Variants in EPHA6 observed in about 807,000 individuals in gnomAD.
EPHA6 encodes ephrin type-A receptor 6.
A neutral mutation model predicts 112.0 loss-of-function variants in EPHA6; 50 were observed. That is an observed-to-expected ratio of 0.45 (90% CI 0.36 to 0.56). EPHA6 has a LOEUF of 0.56. EPHA6 is among the 20% of genes least tolerant of loss of function. EPHA6 has a pLI of 0.00. For synonymous variants in EPHA6, 529 were observed against 490.7 expected (o/e 1.08, Z -1.03); for missense variants, 1,280 against 1,417.4 (o/e 0.90, Z 1.56).
At chr3:97,448,236 T>C (rs926517644) in intron 6 of EPHA6, among the ~76,000 whole-genome samples, 6 of 152,170 alleles carry the variant, frequency 3.9e-5, no homozygotes, top group Admixed American at 3.9e-4. Flanking sequence ...GTGCCCATTT[T>C]GCTCAAGATG....
chr3:97,653,277 T>A (rs1329803665), intron 14 of EPHA6, among the ~76,000 whole-genome samples: 6 of 151,924 alleles, frequency 3.9e-5, no homozygotes, highest in African/African-American at 1.2e-4. Flanking sequence ...AAGGAATTAA[T>A]ATGCAAAATA....
chr3:97,688,984 G>A (rs562015051), intron 14 of EPHA6, among the ~76,000 whole-genome samples: 49 of 152,136 alleles, frequency 3.2e-4, no homozygotes, highest in African/African-American at 1.2e-3. Flanking sequence ...TCATTAAAAT[G>A]CTCAATATAG....
intron 11 of EPHA6, among the ~76,000 whole-genome samples, chr3:97,569,310 TAA>T (rs2093306642): frequency 6.6e-6 from 1 of 152,094 alleles, no homozygotes; most frequent in Admixed American, 6.5e-5. Flanking sequence ...TAATGAATAA[TAA>T]AAAGATAAAG....
chr3:97,648,557 T>C, intron 14 of EPHA6: 1 of 1,228,710 alleles, frequency 8.1e-7, no homozygotes. Flanking sequence ...ACTTTAAGAA[T>C]AAATATTTTA....
rs532375932 is a variant in EPHA6 at position 96,834,926 on chromosome 3, T to C, written c.385+19918T>C. ...CAGGTGTCCGGCCATACAACAATTA[T>C]AATAATAATGGTGTAATACCCAACC... On this transcript the variant is annotated intron_variant, in intron 1 of 17. Transcript: ENST00000389672. Among the ~76,000 whole-genome samples, 13 of 152,152 alleles carry C rather than the reference T, an allele frequency of 8.5e-5. No homozygotes were observed. In the South Asian group the frequency reaches 2.3e-3, roughly 27 times the overall value.
intron 3 of EPHA6, among the ~76,000 whole-genome samples, chr3:97,167,769 T>TAAAC (rs1240637778): frequency 1.3e-5 from 2 of 152,032 alleles, no homozygotes; most frequent in Non-Finnish European, 2.9e-5. Context: ...GTATTTAAAA[T>TAAAC]AAACAGTATT....
intron 16 of EPHA6, among the ~76,000 whole-genome samples, chr3:97,741,527 G>A (rs2035504859): frequency 6.6e-6 from 1 of 151,894 alleles, no homozygotes; most frequent in Non-Finnish European, 1.5e-5. Flanking sequence ...TGGTACTAGG[G>A]GCTTTTATTG....
chr3:97,158,913 C>T (rs967326973), intron 3 of EPHA6, among the ~76,000 whole-genome samples: 7 of 151,942 alleles, frequency 4.6e-5, no homozygotes, highest in African/African-American at 1.2e-4. Flanking sequence ...ATGGGGGAGG[C>T]GTGTAGCTTT....
At position 97,573,592 on chromosome 3, in the gene EPHA6, A is replaced by T. The variant is rs191904919; in HGVS notation, c.2387-19020A>T. Among the ~76,000 whole-genome samples, 946 of 151,748 alleles carry T rather than the reference A, an allele frequency of 6.2e-3. 11 individuals are homozygous for T. The highest frequency in any genetic ancestry group is 0.021 in the African/African-American group (880 of 41,472). On this transcript the variant is annotated intron_variant, in intron 11 of 17. Coordinates refer to ENST00000389672, the MANE Select transcript of EPHA6 (RefSeq NM_001080448.3). Reference sequence around the variant, plus strand: ...ATTTTTATTTATTTTTTATTTTTTTAAATTTTATTTTTTATTATACTTTAA... The same window carrying T: ...ATTTTTATTTATTTTTTATTTTTTTTAATTTTATTTTTTATTATACTTTAA...
chr3:97,019,232 G>T (rs1038554813), intron 3 of EPHA6, among the ~76,000 whole-genome samples: 1 of 152,066 alleles, frequency 6.6e-6, no homozygotes, highest in African/African-American at 2.4e-5. Flanking sequence ...TGGGTGGCTT[G>T]CCGCCCACAT....
At chr3:97,082,063 TTA>T (rs1211244231) in intron 3 of EPHA6, among the ~76,000 whole-genome samples, 1 of 151,728 alleles carries the variant, frequency 6.6e-6, no homozygotes, top group Non-Finnish European at 1.5e-5. Flanking sequence ...AAAGTAAAAA[TTA>T]TATATGTTTA....
At chr3:97,290,712 G>A (rs1339948648) in intron 5 of EPHA6, among the ~76,000 whole-genome samples, 1 of 151,794 alleles carries the variant, frequency 6.6e-6, no homozygotes, top group Non-Finnish European at 1.5e-5. Context: ...TATTTCTGAG[G>A]TCTCAGTTGT....
intron 2 of EPHA6, 108 bp downstream of exon 2, chr3:96,866,997 A>G (rs1292658112): frequency 1.5e-5 from 8 of 531,934 alleles, no homozygotes; most frequent in Non-Finnish European, 1.9e-5. Context: ...ATTTTGACAT[A>G]TAACTTACAT....
At position 97,069,799 on chromosome 3, in the gene EPHA6, T is replaced by C. The variant is rs528600809; in HGVS notation, c.1114+81806T>C. Among the ~76,000 whole-genome samples the C allele has an allele frequency of 2.6e-5, 4 of 152,276 alleles. No individual in the cohort carries two copies. The South Asian group carries it at 8.3e-4, about 32-fold the overall frequency. On this transcript the variant is annotated intron_variant, in intron 3 of 17. Coordinates refer to ENST00000389672, the MANE Select transcript of EPHA6 (RefSeq NM_001080448.3). ...CTTACAGTTTGAACATTTAAAGCAG[T>C]TACTAATAGGCTATGCTTTATGGTT... is the stretch of plus-strand genomic sequence containing the variant.
intron 3 of EPHA6, among the ~76,000 whole-genome samples, chr3:97,099,239 C>G (rs2108255325): frequency 6.6e-6 from 1 of 151,118 alleles, no homozygotes; most frequent in South Asian, 2.1e-4. Flanking sequence ...CATAACTTTC[C>G]CATCAAGGTT....
intron 12 of EPHA6, among the ~76,000 whole-genome samples, chr3:97,601,600 G>A (rs1280227992): frequency 6.6e-6 from 1 of 152,000 alleles, no homozygotes; most frequent in Non-Finnish European, 1.5e-5. Flanking sequence ...TGTTCACAGA[G>A]GTCTTAACAG....
chr3:97,292,895 G>T (rs1222139031), intron 5 of EPHA6, among the ~76,000 whole-genome samples: 1 of 151,636 alleles, frequency 6.6e-6, no homozygotes, highest in Non-Finnish European at 1.5e-5. Flanking sequence ...TGAGCGTCCA[G>T]CTCTCAGTGG....
At position 97,720,224 on chromosome 3, in the gene EPHA6, G is replaced by A. The variant is rs180853245; in HGVS notation, c.2785-37G>A. On this transcript the variant is annotated intron_variant, in intron 14 of 17. Coordinates refer to ENST00000389672, the MANE Select transcript of EPHA6 (RefSeq NM_001080448.3). ...AATACCATTTTGTTTTTAATACAAC[G>A]ATAAGCCAGCTAAGAAATCTCCAAT... is the stretch of plus-strand genomic sequence containing the variant. 245 of 1,503,146 alleles carry A rather than the reference G, an allele frequency of 1.6e-4. 1 individual carries two copies. In the African/African-American group the frequency reaches 2.3e-3, roughly 14 times the overall value. The allele number at this position is 1,503,146 out of a possible 1,614,324, so 93.1% of individuals were successfully genotyped here.
chr3:96,900,694 G>T (rs1352982505), intron 2 of EPHA6, among the ~76,000 whole-genome samples: 1 of 152,198 alleles, frequency 6.6e-6, no homozygotes, highest in Admixed American at 6.5e-5. Flanking sequence ...CACATGGATT[G>T]TTTTTGCCAC....
Sources: gnomAD v4.1 joint callset for allele counts (sites outside exome capture counted in the v4.1 genomes callset) on GRCh38, gnomAD v4.1.1 for gene constraint, MANE v1.5 for transcripts, NCBI Gene and HGNC (gene_info 2026-07-23, HGNC 2026-07-21) for gene names.